The following AMPD3 variants were observed in gnomAD, a reference collection of about 807,000 sequenced individuals.
AMPD3 encodes the protein adenosine monophosphate deaminase 3, also known as AMP deaminase 3.
Under a neutral mutation model 82.3 loss-of-function variants are expected in AMPD3, and 57 were observed. The ratio of observed to expected loss-of-function variants is 0.69; its 90% CI spans 0.56 to 0.86. The LOEUF (loss-of-function observed/expected upper bound fraction) is 0.86, where lower values mean the gene tolerates loss of function less well. Among genes scored for constraint, AMPD3 ranks in the 40% least tolerant of loss-of-function variants. The pLI is 0.00. For synonymous variants in AMPD3, 381 were observed against 394.7 expected (o/e 0.97, Z 0.41); for missense variants, 870 against 1,003.8 (o/e 0.87, Z 1.80).
chr11:10,494,100 A>T (rs745702020), intron 7 of AMPD3, among the ~76,000 whole-genome samples: 18 of 152,248 alleles, frequency 1.2e-4, no homozygotes, highest in South Asian at 4.1e-4. Context: ...CAACAGATGA[A>T]TGGGTAAACA....
intron 10 of AMPD3, among the ~76,000 whole-genome samples, chr11:10,497,314 C>G (rs183046310): frequency 3.3e-5 from 5 of 152,044 alleles, no homozygotes; most frequent in African/African-American, 7.2e-5. Context: ...GAAATGCAAA[C>G]ACTTCAATTC....
chr11:10,472,299 G>C (rs1304953251), intron 2 of AMPD3, among the ~76,000 whole-genome samples: 1 of 151,900 alleles, frequency 6.6e-6, no homozygotes, highest in Non-Finnish European at 1.5e-5. Context: ...GTTGGGGGGT[G>C]AGGGGCTAGG....
rs779012262 is a variant in AMPD3 at position 10,504,577 on chromosome 11, C to G, written c.2045C>G (p.Ala682Gly). Residue 682 changes from alanine (A) to glycine (G), a missense_variant, in exon 14 of 15, where the codon GCA (alanine) becomes GGA (glycine). Coordinates refer to ENST00000396553, the MANE Select transcript of AMPD3 (RefSeq NM_001025389.2). ...KEALMEEYAI[A>G]AQVWKLSTCD... ...GCACTTATGGAAGAATATGCCATTGCAGCTCAAGTGTGGAAGCTGAGCACC... is the reference window on the plus strand; with the variant it reads ...GCACTTATGGAAGAATATGCCATTGGAGCTCAAGTGTGGAAGCTGAGCACC... 1 of 1,614,210 alleles carries G rather than the reference C, an allele frequency of 6.2e-7. No individual in the cohort carries two copies. The highest frequency in any genetic ancestry group is 1.1e-5 in the South Asian group (1 of 91,078).
intron 2 of AMPD3, among the ~76,000 whole-genome samples, chr11:10,472,381 G>C (rs958233790): frequency 6.6e-6 from 1 of 151,984 alleles, no homozygotes; most frequent in Non-Finnish European, 1.5e-5. Context: ...ACCATGGCAT[G>C]TGTATACCTA....
chr11:10,467,008 A>T (rs1430319417), intron 2 of AMPD3, among the ~76,000 whole-genome samples: 1 of 152,168 alleles, frequency 6.6e-6, no homozygotes, highest in Non-Finnish European at 1.5e-5. Flanking sequence ...CACATCCGAA[A>T]ATCACCAGCA....
chr11:10,466,985 T>C (rs1414015090), intron 2 of AMPD3, among the ~76,000 whole-genome samples: 1 of 152,026 alleles, frequency 6.6e-6, no homozygotes, highest in Non-Finnish European at 1.5e-5. Flanking sequence ...GAATAGCACA[T>C]CTAATCAGAG....
At chr11:10,504,680 G>A in intron 14 of AMPD3, 21 bp downstream of exon 14, 1 of 1,607,476 alleles carries the variant, frequency 6.2e-7, no homozygotes, top group Non-Finnish European at 8.5e-7. Context: ...TGACGGTGCT[G>A]CCTGTGTCCC....
intron 9 of AMPD3, chr11:10,496,588 T>C: frequency 1.0e-6 from 1 of 978,726 alleles, no homozygotes; most frequent in Non-Finnish European, 1.2e-6. Context: ...GAGAAAGTGC[T>C]CTGATGGGCA....
chr11:10,494,483 G>A (rs905182869), intron 7 of AMPD3: 9 of 849,438 alleles, frequency 1.1e-5, no homozygotes, highest in African/African-American at 3.7e-5. Flanking sequence ...AATGGTAAAC[G>A]TTGTGTTGTA....
Position 10,456,467 on chromosome 11 carries a change from G to A in AMPD3, c.-6+1019G>A, listed in dbSNP as rs1216852775. The A allele has an allele frequency of 2.5e-6, 4 of 1,613,714 alleles. No homozygotes were observed. The highest frequency in any genetic ancestry group is 1.7e-4 in the Middle Eastern group (1 of 6,056). ...TAGGAACCAGCTTCCTTCGTATAAC[G>A]AGGGGATTTCAGTGGCACTGGGCTT... On this transcript the variant is annotated intron_variant, in intron 1 of 14. Transcript: ENST00000396553. The surrounding 1 kb of genome is among the most constrained non-coding windows in gnomAD (Gnocchi z 4.3).
intron 3 of AMPD3, chr11:10,481,488 G>A (rs1023466133): frequency 3.1e-5 from 31 of 985,208 alleles, no homozygotes; most frequent in Admixed American, 6.2e-5. Context: ...GTCTTCCAAC[G>A]ACCCTAACTC....
chr11:10,495,462 G>T, intron 8 of AMPD3, 108 bp from the exon 9 acceptor site: 1 of 1,592,640 alleles, frequency 6.3e-7, no homozygotes. Context: ...CTTCCAGCCT[G>T]GGAGCAAGGT....
At chr11:10,502,586 G>C in intron 12 of AMPD3, 135 bp from the exon 13 acceptor site, 1 of 1,590,426 alleles carries the variant, frequency 6.3e-7, no homozygotes, top group Non-Finnish European at 8.5e-7. Context: ...GAGGAACTCG[G>C]GTTGAGGACT....
rs1045758496 is a variant in AMPD3, at chr11:10,477,867, G to A, written c.222-659G>A. ...GTAGGCTGATCTTGCAGATCTCCTTGGCACCCAGTAGGTCTGCTGCCAGCC... is the reference window on the plus strand; with the variant it reads ...GTAGGCTGATCTTGCAGATCTCCTTAGCACCCAGTAGGTCTGCTGCCAGCC... On this transcript the variant is annotated intron_variant, in intron 2 of 14. Coordinates refer to ENST00000396553, the MANE Select transcript of AMPD3 (RefSeq NM_001025389.2). 3.0e-6 allele frequency: 3 copies of A among 985,230 alleles called. No individual in the cohort carries two copies. In the African/African-American group the frequency reaches 5.2e-5, roughly 17 times the overall value. 61.0% of individuals were successfully genotyped at this position (985,230 alleles called of 1,614,324 possible).
chr11:10,489,358 T>C (rs922665586), intron 6 of AMPD3, among the ~76,000 whole-genome samples: 22 of 152,154 alleles, frequency 1.4e-4, no homozygotes, highest in African/African-American at 1.7e-4. Context: ...GGGGCCAAGG[T>C]GTCCTCACTG....
At chr11:10,504,514 C>T (rs1205058916) in intron 13 of AMPD3, 35 bp from the exon 14 acceptor site, 1 of 1,583,374 alleles carries the variant, frequency 6.3e-7, no homozygotes, top group South Asian at 1.1e-5. Context: ...TGGATATCCC[C>T]CCTTCTAATC....
chr11:10,497,268 G>A (rs1021413738), intron 10 of AMPD3, among the ~76,000 whole-genome samples: 3 of 150,510 alleles, frequency 2.0e-5, no homozygotes, highest in Non-Finnish European at 3.0e-5. Context: ...TCTAGCCCCC[G>A]GCAGCACCAA....
At chr11:10,505,463 T>C (rs1408837558) in intron 14 of AMPD3, 10 of 984,718 alleles carry the variant, frequency 1.0e-5, no homozygotes, top group Non-Finnish European at 1.2e-5. Flanking sequence ...TCCTCTCTGA[T>C]CAAGGAAAGC....
upstream of AMPD3, among the ~76,000 whole-genome samples, chr11:10,452,884 C>T (rs2133801189): frequency 6.6e-6 from 1 of 152,224 alleles, no homozygotes; most frequent in South Asian, 2.1e-4. Context: ...TTTAACTTGC[C>T]CAAGGTCATA....
Sources: allele counts gnomAD v4.1 joint callset (sites outside exome capture counted in the v4.1 genomes callset), GRCh38; gene constraint gnomAD v4.1.1; non-coding constraint Gnocchi (gnomAD v3.1); transcripts MANE v1.5; gene names NCBI Gene and HGNC (gene_info 2026-07-23, HGNC 2026-07-21).